The following PSMA1 variants were observed in gnomAD, a reference collection of about 807,000 sequenced individuals.
The protein encoded by PSMA1 is proteasome 20S subunit alpha 1, also known as proteasome subunit alpha type-1.
In PSMA1, 3 loss-of-function variants were observed where a neutral mutation model predicts 38.4. That is an observed-to-expected ratio of 0.08 (90% CI 0.04 to 0.20). The LOEUF (loss-of-function observed/expected upper bound fraction) is 0.20, where lower values mean the gene tolerates loss of function less well. Among genes scored for constraint, PSMA1 ranks in the 10% least tolerant of loss-of-function variants. PSMA1 has a pLI of 1.00. For missense variants in PSMA1, 227 were observed against 325.3 expected (o/e 0.70, Z 2.32); for synonymous variants, 101 against 107.1 (o/e 0.94, Z 0.35).
intron 2 of PSMA1, among the ~76,000 whole-genome samples, chr11:14,581,456 T>G (rs1201489002): frequency 6.6e-6 from 1 of 152,204 alleles, no homozygotes; most frequent in Non-Finnish European, 1.5e-5. Context: ...ATAATACCAG[T>G]ACATACTTCA....
chr11:14,573,347 G>C (rs1055301865), intron 2 of PSMA1, among the ~76,000 whole-genome samples: 1 of 152,174 alleles, frequency 6.6e-6, no homozygotes, highest in East Asian at 1.9e-4. Flanking sequence ...GGGATGTAAG[G>C]CTGGCTCAAT....
At chr11:14,566,247 A>C (rs1438957562) in intron 2 of PSMA1, among the ~76,000 whole-genome samples, 1 of 152,224 alleles carries the variant, frequency 6.6e-6, no homozygotes, top group Non-Finnish European at 1.5e-5. Flanking sequence ...TTGGGAATAG[A>C]CTATGGGTAG....
chr11:14,566,678 A>G (rs188439582), intron 2 of PSMA1, among the ~76,000 whole-genome samples: 241 of 152,350 alleles, frequency 1.6e-3, no homozygotes, highest in African/African-American at 5.1e-3. Flanking sequence ...CTGGAGAGAC[A>G]CAGGGAAAAA....
intron 1 of PSMA1, among the ~76,000 whole-genome samples, chr11:14,626,441 T>C (rs781688450): frequency 4.6e-5 from 7 of 152,200 alleles, no homozygotes; most frequent in Non-Finnish European, 8.8e-5. Context: ...CTTATGTAAC[T>C]AGAAAATCAA....
chr11:14,554,910 A>C (rs1041705349), intron 2 of PSMA1, among the ~76,000 whole-genome samples: 11 of 152,176 alleles, frequency 7.2e-5, no homozygotes, highest in African/African-American at 1.7e-4. Context: ...TAGATTTGGA[A>C]CCCAGGCCAA....
At chr11:14,612,112 G>A (rs1448575643) in intron 1 of PSMA1, among the ~76,000 whole-genome samples, 1 of 152,274 alleles carries the variant, frequency 6.6e-6, no homozygotes, top group East Asian at 1.9e-4. Context: ...GGGAGTCTTG[G>A]TTGAGCTAGG....
At chr11:14,608,734 T>C (rs974325731) in intron 2 of PSMA1, among the ~76,000 whole-genome samples, 20 of 147,990 alleles carry the variant, frequency 1.4e-4, no homozygotes, top group Non-Finnish European at 2.5e-4. Context: ...AATATAAAAG[T>C]ATACATATTA....
chr11:14,589,383 G>GTGTGTA (rs143433129), intron 2 of PSMA1, among the ~76,000 whole-genome samples: 3 of 149,888 alleles, frequency 2.0e-5, no homozygotes, highest in African/African-American at 7.4e-5. Context: ...GTGTGTGTGT[G>GTGTGTA]TATATATATG....
chr11:14,505,204 T>G lies in PSMA1; in HGVS notation c.780A>C (p.Pro260=), dbSNP rs1375714043. ...ACTGGCTTATCACTTAATGTTCCATTGGTTCATCAGCCTTTTCTGCAGGTT... is the reference window on the plus strand; with the variant it reads ...ACTGGCTTATCACTTAATGTTCCATGGGTTCATCAGCCTTTTCTGCAGGTT... ...ADEPAEKADE[P]MEH Residue 260 remains proline, a synonymous_variant, in exon 10 of 10, where the codon CCA becomes CCC. Transcript: ENST00000396394. 1.6e-5 allele frequency: 26 copies of G among 1,613,536 alleles called. No individual in the cohort carries two copies. The highest frequency in any genetic ancestry group is 2.0e-5 in the Non-Finnish European group (24 of 1,179,624).
chr11:14,607,063 G>C (rs1387210141), intron 2 of PSMA1, among the ~76,000 whole-genome samples: 1 of 152,194 alleles, frequency 6.6e-6, no homozygotes, highest in Non-Finnish European at 1.5e-5. Context: ...GGAGGAAGGA[G>C]CTGAGATGAG....
intron 2 of PSMA1, among the ~76,000 whole-genome samples, chr11:14,580,495 C>T (rs147337082): frequency 1.3e-5 from 2 of 152,314 alleles, no homozygotes; most frequent in African/African-American, 4.8e-5. Context: ...GATTCTAAGT[C>T]ACTCCATTCA....
At chr11:14,518,903 C>G in intron 2 of PSMA1, 94 bp downstream of exon 2, 2 of 1,001,818 alleles carry the variant, frequency 2.0e-6, no homozygotes, top group Non-Finnish European at 3.0e-6. Context: ...TAATTATATT[C>G]CATTTTCCCC....
intron 2 of PSMA1, among the ~76,000 whole-genome samples, chr11:14,571,840 C>CA (rs1166006102): frequency 4.0e-5 from 6 of 148,722 alleles, no homozygotes; most frequent in Admixed American, 2.0e-4. Flanking sequence ...AAATGGAAAA[C>CA]AAAAAAAAAG....
chr11:14,594,077 A>C (rs1397466533), intron 2 of PSMA1, among the ~76,000 whole-genome samples: 1 of 152,226 alleles, frequency 6.6e-6, no homozygotes, highest in African/African-American at 2.4e-5. Flanking sequence ...GACAAAGCTA[A>C]TGTTAATAAT....
chr11:14,622,012 T>C (rs1451547961), intron 1 of PSMA1, among the ~76,000 whole-genome samples: 5 of 152,218 alleles, frequency 3.3e-5, no homozygotes, highest in Non-Finnish European at 4.4e-5. Flanking sequence ...TCTTCTTGAA[T>C]GTCATACTGA....
In PSMA1 at chr11:14,505,168, T is replaced by C. The variant is rs748227964; in HGVS notation, c.*24A>G. On this transcript the variant is annotated 3_prime_UTR_variant, in exon 10 of 10. Transcript: ENST00000396394. ...GCCTGTATTCTTACATATTTGATAATACATATATAGACTGGCTTATCACTT... is the reference window on the plus strand; with the variant it reads ...GCCTGTATTCTTACATATTTGATAACACATATATAGACTGGCTTATCACTT... The C allele has an allele frequency of 5.1e-6, 8 of 1,584,132 alleles. No individual in the cohort carries two copies. The highest frequency in any genetic ancestry group is 1.1e-5 in the South Asian group (1 of 90,468).
At chr11:14,518,179 A>G (rs1287453577) in intron 2 of PSMA1, among the ~76,000 whole-genome samples, 198 bp from the exon 3 acceptor site, 1 of 151,140 alleles carries the variant, frequency 6.6e-6, no homozygotes, top group Non-Finnish European at 1.5e-5. Flanking sequence ...TCAGCTCAGT[A>G]CAACCTCTGC....
At chr11:14,509,090 T>C (rs1011812228) in intron 8 of PSMA1, among the ~76,000 whole-genome samples, 2 of 152,158 alleles carry the variant, frequency 1.3e-5, no homozygotes, top group African/African-American at 4.8e-5. Flanking sequence ...CCACTCTCCA[T>C]GGAACTCCAC....
intron 2 of PSMA1, among the ~76,000 whole-genome samples, chr11:14,568,320 C>T (rs1490101017): frequency 2.0e-5 from 3 of 152,204 alleles, no homozygotes; most frequent in East Asian, 1.9e-4. Context: ...TCCACTGCTC[C>T]TTCCACTGCA....
Sources: allele counts gnomAD v4.1 joint callset (sites outside exome capture counted in the v4.1 genomes callset), GRCh38; gene constraint gnomAD v4.1.1; transcripts MANE v1.5; gene names NCBI Gene and HGNC (gene_info 2026-07-23, HGNC 2026-07-21).